Variants in TPD52 observed in about 807,000 individuals in gnomAD.
The protein encoded by TPD52 is tumor protein D52, also known as prostate and colon associated protein.
A neutral mutation model predicts 31.3 loss-of-function variants in TPD52; 17 were observed. That is an observed-to-expected ratio of 0.54 (90% CI 0.37 to 0.82). TPD52 has a LOEUF of 0.82. Ranked by LOEUF, TPD52 falls within the 40% of genes least tolerant of loss-of-function variation. The pLI, the probability that TPD52 is intolerant of heterozygous loss-of-function variation, is 0.00. For missense variants in TPD52, 212 were observed against 240.1 expected (o/e 0.88, Z 0.77); for synonymous variants, 83 against 89.6 (o/e 0.93, Z 0.42).
intron 1 of TPD52, among the ~76,000 whole-genome samples, chr8:80,134,821 A>G (rs1809278054): frequency 6.6e-6 from 1 of 152,210 alleles, no homozygotes; most frequent in Admixed American, 6.5e-5. Context: ...GCCCTGAGCC[A>G]CACCATCCAG....
chr8:80,046,965 G>A (rs1475542423), intron 5 of TPD52, among the ~76,000 whole-genome samples: 1 of 152,162 alleles, frequency 6.6e-6, no homozygotes, highest in African/African-American at 2.4e-5. Context: ...AGGAGGAGAA[G>A]GGAAAGTTAA....
chr8:80,073,405 G>A (rs1168288157), intron 1 of TPD52, among the ~76,000 whole-genome samples: 10 of 152,174 alleles, frequency 6.6e-5, no homozygotes, highest in Admixed American at 2.0e-4. Context: ...GCTTAAATAA[G>A]TCAAAAGTGT....
At chr8:80,145,905 T>A (rs1474415550) in intron 1 of TPD52, among the ~76,000 whole-genome samples, 1 of 152,196 alleles carries the variant, frequency 6.6e-6, no homozygotes, top group Non-Finnish European at 1.5e-5. Flanking sequence ...AAATCTCATA[T>A]CTATAAAAAC....
chr8:80,157,840 C>T (rs953885310), intron 1 of TPD52, among the ~76,000 whole-genome samples: 2 of 152,170 alleles, frequency 1.3e-5, no homozygotes, highest in Non-Finnish European at 2.9e-5. Context: ...TGAATTATTG[C>T]TTACAGACTT....
chr8:80,082,238 G>T (rs1425325411), intron 1 of TPD52, among the ~76,000 whole-genome samples: 2 of 151,502 alleles, frequency 1.3e-5, no homozygotes, highest in Non-Finnish European at 2.9e-5. Flanking sequence ...TAAAATAAAT[G>T]GTTTCTTTTT....
At chr8:80,134,680 C>T (rs1809266211) in intron 1 of TPD52, among the ~76,000 whole-genome samples, 1 of 152,148 alleles carries the variant, frequency 6.6e-6, no homozygotes. Context: ...AGTGGAGGTC[C>T]ACACAGTAGG....
intron 4 of TPD52, among the ~76,000 whole-genome samples, chr8:80,050,706 C>T (rs1375675434): frequency 3.3e-5 from 5 of 152,026 alleles, no homozygotes; most frequent in Non-Finnish European, 5.9e-5. Flanking sequence ...ATATAATGAG[C>T]GAGGAATTTG....
chr8:80,092,307 C>T (rs1816336783), intron 1 of TPD52, among the ~76,000 whole-genome samples: 1 of 152,082 alleles, frequency 6.6e-6, no homozygotes, highest in Non-Finnish European at 1.5e-5. Flanking sequence ...TCGTTTTATC[C>T]TCCCCCCACC....
At position 80,037,837 on chromosome 8, in the gene TPD52, T is replaced by G. The variant is rs1810015235; in HGVS notation, c.*279A>C. ...GAAAACAACTATGACAATCTGTAGC[T>G]TCTTAGATCATTATAGTGAATGTCC... On this transcript the variant is annotated 3_prime_UTR_variant, in exon 8 of 8. Coordinates refer to ENST00000518937, the MANE Select transcript of TPD52 (RefSeq NM_001025253.3). 1 of 272,270 alleles carries G rather than the reference T, an allele frequency of 3.7e-6. No homozygotes were observed. The allele number at this position is 272,270 out of a possible 1,614,324, so 16.9% of individuals were successfully genotyped here.
chr8:80,060,197 G>A, intron 2 of TPD52, among the ~76,000 whole-genome samples: 1 of 149,660 alleles, frequency 6.7e-6, no homozygotes, highest in Non-Finnish European at 1.5e-5. Context: ...AATGAAAGTG[G>A]GGACATTAAC....
At chr8:80,062,310 G>A (rs1812636526) in intron 2 of TPD52, among the ~76,000 whole-genome samples, 1 of 152,108 alleles carries the variant, frequency 6.6e-6, no homozygotes, top group African/African-American at 2.4e-5. Flanking sequence ...GATGCCACGA[G>A]CATTCACTGG....
chr8:80,139,640 G>A (rs1809685317), intron 1 of TPD52, among the ~76,000 whole-genome samples: 1 of 151,990 alleles, frequency 6.6e-6, no homozygotes, highest in Admixed American at 6.6e-5. Context: ...CGGGGGGTGG[G>A]GGTGAGGGCG....
rs58385552 is a variant in TPD52 at position 80,110,592 on chromosome 8, G to GAA, written c.20-46001_20-46000dup. Among the ~76,000 whole-genome samples, 758 of 141,742 alleles carry GAA rather than the reference G, an allele frequency of 5.3e-3. 8 individuals carry two copies. Among genetic ancestry groups the GAA allele is most frequent in the African/African-American group, 0.018 (694 of 38,500 alleles). 93.0% of individuals were successfully genotyped at this position (141,742 alleles called of 152,430 possible). On this transcript the variant is annotated intron_variant, in intron 1 of 7. Transcript: ENST00000518937. ...AATAATAATAAATAAATAAATAAAT[G>GAA]AAAAAAAAAAAGGAGGAAACTTAAA...
In TPD52 at chr8:80,099,682, T is replaced by C. The variant is rs576437374; in HGVS notation, c.20-35089A>G. Reference sequence around the variant, plus strand: ...CGTGACACCACGCCCAGCTAATTTTTGTATTTTTAGTAGAGACGGGGTTTT... The same window carrying C: ...CGTGACACCACGCCCAGCTAATTTTCGTATTTTTAGTAGAGACGGGGTTTT... On this transcript the variant is annotated intron_variant, in intron 1 of 7. Coordinates refer to ENST00000518937, the MANE Select transcript of TPD52 (RefSeq NM_001025253.3). 3.5e-4 allele frequency among the ~76,000 whole-genome samples: 54 copies of C among 152,240 alleles called. 1 individual carries two copies. Among genetic ancestry groups the C allele is most frequent in the African/African-American group, 1.3e-3 (53 of 41,558 alleles).
intron 7 of TPD52, among the ~76,000 whole-genome samples, chr8:80,040,367 T>C (rs1416735265): frequency 6.6e-6 from 1 of 151,896 alleles, no homozygotes; most frequent in African/African-American, 2.4e-5. Context: ...TTCTATCGTT[T>C]TTGGTAGAGA....
chr8:80,154,523 TC>T (rs1810794650), intron 1 of TPD52, among the ~76,000 whole-genome samples: 1 of 152,210 alleles, frequency 6.6e-6, no homozygotes, highest in Non-Finnish European at 1.5e-5. Flanking sequence ...CTCTTCATCT[TC>T]TAAAAAGTTT....
intron 1 of TPD52, among the ~76,000 whole-genome samples, chr8:80,113,501 C>G (rs1224192356): frequency 6.6e-6 from 1 of 152,118 alleles, no homozygotes; most frequent in African/African-American, 2.4e-5. Context: ...CAGCACTATT[C>G]ACAATAACTA....
intron 1 of TPD52, among the ~76,000 whole-genome samples, chr8:80,125,371 T>C (rs1272492368): frequency 6.6e-6 from 1 of 152,130 alleles, no homozygotes; most frequent in Non-Finnish European, 1.5e-5. Flanking sequence ...GGAGCTACGA[T>C]CCTGCCACTG....
At chr8:80,072,794 C>CAT (rs202061225) in intron 1 of TPD52, among the ~76,000 whole-genome samples, 3,589 of 141,880 alleles carry the variant, frequency 0.025, 273 homozygotes, top group African/African-American at 0.1. Flanking sequence ...TACACACACA[C>CAT]ACACATATAT....
Sources: gnomAD v4.1 joint callset for allele counts (sites outside exome capture counted in the v4.1 genomes callset) on GRCh38, gnomAD v4.1.1 for gene constraint, MANE v1.5 for transcripts, NCBI Gene and HGNC (gene_info 2026-07-23, HGNC 2026-07-21) for gene names.